Variants in ZNF585B observed in about 807,000 individuals in gnomAD.
ZNF585B encodes zinc finger protein 41-like protein.
Under a neutral mutation model 14.0 loss-of-function variants are expected in ZNF585B, and 7 were observed. The ratio of observed to expected loss-of-function variants is 0.50; its 90% CI spans 0.28 to 0.94. ZNF585B has a LOEUF of 0.94. Among genes scored for constraint, ZNF585B ranks in the 40% least tolerant of loss-of-function variants. The pLI, the probability that ZNF585B is intolerant of heterozygous loss-of-function variation, is 0.09. For missense variants in ZNF585B, 750 were observed against 924.4 expected (o/e 0.81, Z 2.45); for synonymous variants, 290 against 317.3 (o/e 0.91, Z 0.91).
Position 37,185,569 on chromosome 19 carries a change from A to G in ZNF585B, c.1968T>C (p.His656=). 1 of 1,612,734 alleles carries G rather than the reference A, an allele frequency of 6.2e-7. No individual in the cohort carries two copies. The highest frequency in any genetic ancestry group is 8.5e-7 in the Non-Finnish European group (1 of 1,179,664). ...RSNLSKHQKT[H]TGEKPYICSE... is the part of the protein sequence containing the mutation. Reference sequence around the variant, plus strand: ...AACAAATGTAGGGCTTTTCTCCGGTATGAGTTTTCTGGTGCTTACTGAGAT... The same window carrying G: ...AACAAATGTAGGGCTTTTCTCCGGTGTGAGTTTTCTGGTGCTTACTGAGAT... Residue 656 remains histidine, a synonymous_variant, in exon 5 of 5, where the codon CAT becomes CAC. Transcript: ENST00000532828.
rs1333880724 is a variant in ZNF585B, at chr19:37,185,409, G to A, written c.2128C>T (p.Arg710Ter). 8 of 1,613,358 alleles carry A rather than the reference G, an allele frequency of 5.0e-6. No individual in the cohort carries two copies. Among genetic ancestry groups the A allele is most frequent in the East Asian group, 2.2e-5 (1 of 44,754 alleles). The change falls in exon 5 of 5, where the codon CGA (arginine) becomes TGA (stop). Residue 710 changes from arginine to a stop codon, truncating the protein, a stop_gained. Coordinates refer to ENST00000532828, the MANE Select transcript of ZNF585B (RefSeq NM_152279.4). LOFTEE classifies it low-confidence loss of function (END_TRUNC). Reference protein sequence around the residue: ...TKKSQLQVHQRIHTGEKPYVC... With the variant: ...TKKSQLQVHQ ...TAAGGCTTCTCTCCAGTGTGAATTC[G>A]CTGATGCACTTGGAGCTGTGATTTT...
chr19:37,208,272 A>G (rs1599770220), intron 1 of ZNF585B, among the ~76,000 whole-genome samples: 1 of 152,082 alleles, frequency 6.6e-6, no homozygotes, highest in African/African-American at 2.4e-5. Context: ...CGCCCAACCC[A>G]CCTCACACTA....
chr19:37,194,307 G>GTGT (rs10669651), intron 2 of ZNF585B, among the ~76,000 whole-genome samples: 83,745 of 151,830 alleles, frequency 0.55, 24,634 homozygotes, highest in African/African-American at 0.75. Flanking sequence ...TTTCCACATG[G>GTGT]TGTACATATT....
Position 37,186,144 on chromosome 19 carries a change from G to A in ZNF585B, c.1393C>T (p.Pro465Ser), listed in dbSNP as rs746111463. 6.2e-7 allele frequency: 1 copy of A among 1,614,130 alleles called. No individual in the cohort carries two copies. Among genetic ancestry groups the A allele is most frequent in the Non-Finnish European group, 8.5e-7 (1 of 1,180,030 alleles). ...VHKRIHTGEK[P>S]YVCNKCGKAF... is the part of the protein sequence containing the mutation. ...TTCCCACATTTATTGCATACATAGG[G>A]CTTTTCTCCTGTGTGAATTCGTTTA... Residue 465 changes from proline to serine, a missense_variant, in exon 5 of 5, where the codon CCC (proline) becomes TCC (serine). Around this residue, in one of 2 missense-constraint regions of ZNF585B, gnomAD observed 517 missense variants for 570.3 expected, o/e 0.91. Coordinates refer to ENST00000532828, the MANE Select transcript of ZNF585B (RefSeq NM_152279.4).
At chr19:37,203,308 G>A (rs528226288) in intron 2 of ZNF585B, among the ~76,000 whole-genome samples, 1 of 151,478 alleles carries the variant, frequency 6.6e-6, no homozygotes, top group Non-Finnish European at 1.5e-5. Context: ...TTTACCACAC[G>A]AACTTTAAAA....
intron 2 of ZNF585B, among the ~76,000 whole-genome samples, chr19:37,193,312 A>G (rs1972424279): frequency 6.6e-6 from 1 of 152,008 alleles, no homozygotes; most frequent in East Asian, 1.9e-4. Flanking sequence ...TCTACTAAAA[A>G]TACAAAAAAT....
Position 37,185,806 on chromosome 19 carries a change from G to C in ZNF585B, c.1731C>G (p.Pro577=). The change falls in exon 5 of 5, where the codon CCC becomes CCG. Residue 577 remains proline, a synonymous_variant. Transcript: ENST00000532828. The part of the protein sequence containing the change: ...VHQKIHTGEK[P]YVCTECGRAF... ...CTCTTCCACACTCAGTGCATACATA[G>C]GGTTTCTCTCCTGTATGAATTTTCT... The C allele has an allele frequency of 1.9e-6, 3 of 1,604,990 alleles. No homozygotes were observed. The highest frequency in any genetic ancestry group is 2.6e-6 in the Non-Finnish European group (3 of 1,175,114).
chr19:37,197,567 C>A (rs1599766335), intron 2 of ZNF585B, among the ~76,000 whole-genome samples: 1 of 152,312 alleles, frequency 6.6e-6, no homozygotes, highest in Admixed American at 6.5e-5. Context: ...CTGTCTTCCA[C>A]AATGGTTGAA....
At chr19:37,210,123 T>C (rs1268824974) in intron 1 of ZNF585B, among the ~76,000 whole-genome samples, 1 of 152,134 alleles carries the variant, frequency 6.6e-6, no homozygotes. Flanking sequence ...TCAAAACTTG[T>C]TAATCTTTAT....
chr19:37,184,486 AAGAAAGAAAGAAAG>A lies in ZNF585B; in HGVS notation c.*727_*740del, dbSNP rs1972306531. 1 of 120,410 alleles carries A rather than the reference AAGAAAGAAAGAAAG, an allele frequency of 8.3e-6. No individual in the cohort carries two copies. The highest frequency in any genetic ancestry group is 1.8e-5 in the Non-Finnish European group (1 of 56,766). 7.5% of individuals were successfully genotyped at this position (120,410 alleles called of 1,614,324 possible). A position where few individuals can be genotyped will look rare whatever the true frequency, so the allele number is the denominator to read the frequency against. ...AAAGAAAGAAAGAAAGAAAGAAAGA[AAGAAAGAAAGAAAG>A]AAAGAGAAAGAAAGAAAGAAAAAGA... On this transcript the variant is annotated 3_prime_UTR_variant, in exon 5 of 5. Transcript: ENST00000532828.
chr19:37,190,131 T>A lies in ZNF585B; in HGVS notation c.92A>T (p.Asp31Val). 1 of 1,614,136 alleles carries A rather than the reference T, an allele frequency of 6.2e-7. No individual in the cohort carries two copies. Among genetic ancestry groups the A allele is most frequent in the Non-Finnish European group, 8.5e-7 (1 of 1,180,008 alleles). The change falls in exon 3 of 5, where the codon GAT becomes GTT. Residue 31 changes from aspartate (D) to valine (V), a missense_variant. This residue lies in a region of ZNF585B where 517 missense variants were observed against 570.3 expected (regional missense o/e 0.91). Transcript: ENST00000532828. ...CTCTCTGCTGAAATCGATAGCCACA[T>A]CCCTGAAGGACACTGATCCCTGTAA... Reference protein sequence around the residue: ...SSYEGSVSFRDVAIDFSREEW... With the variant: ...SSYEGSVSFRVVAIDFSREEW...
In ZNF585B at chr19:37,186,184, T is replaced by G. The variant is rs138834573; in HGVS notation, c.1353A>C (p.Ser451=). ...GHCGKLFTSK[S]QLHVHKRIHT... ...GAATTCGTTTATGAACATGGAGTTG[T>G]GACTTGGAAGTAAACAATTTCCCAC... The change falls in exon 5 of 5, where the codon TCA becomes TCC. Residue 451 remains serine (S), a synonymous_variant. Coordinates refer to ENST00000532828, the MANE Select transcript of ZNF585B (RefSeq NM_152279.4). 3 of 1,614,182 alleles carry G rather than the reference T, an allele frequency of 1.9e-6. No individual in the cohort carries two copies. In the African/African-American group the frequency reaches 4.0e-5, roughly 22 times the overall value.
intron 1 of ZNF585B, among the ~76,000 whole-genome samples, chr19:37,207,839 C>G (rs1238554444): frequency 2.1e-5 from 3 of 145,958 alleles, no homozygotes; most frequent in Admixed American, 2.1e-4. Flanking sequence ...ACATATCAGA[C>G]AATGTTGATC....
chr19:37,207,259 A>G lies in ZNF585B; in HGVS notation c.-143-5T>C. 1 of 1,459,492 alleles carries G rather than the reference A, an allele frequency of 6.9e-7. No individual in the cohort carries two copies. Among genetic ancestry groups the G allele is most frequent in the Non-Finnish European group, 9.0e-7 (1 of 1,108,562 alleles). The allele number at this position is 1,459,492 out of a possible 1,614,324, so 90.4% of individuals were successfully genotyped here. On this transcript the variant is annotated splice_region_variant and splice_polypyrimidine_tract_variant and intron_variant, in intron 1 of 4. Coordinates refer to ENST00000532828, the MANE Select transcript of ZNF585B (RefSeq NM_152279.4). ...TCCCCAGAGACACCCAAGAACCTAG[A>G]AAAACAATGTCCACGTAGTCATTCA...
Position 37,186,551 on chromosome 19 carries a change from G to A in ZNF585B, c.986C>T (p.Thr329Ile). Residue 329 changes from threonine to isoleucine, a missense_variant, in exon 5 of 5, where the codon ACC becomes ATC. Physicochemically the swap from Thr to Ile is moderately conservative, Grantham distance 89. Around this residue, in one of 2 missense-constraint regions of ZNF585B, gnomAD observed 517 missense variants for 570.3 expected, o/e 0.91. Transcript: ENST00000532828. The part of the protein sequence containing the change: ...VHTRVKPYIC[T>I]EYGKVFSNNS... ...ATTGCTGAAGACCTTCCCATATTCG[G>A]TACATATATAGGGCTTCACTCTTGT... 2.5e-6 allele frequency: 4 copies of A among 1,614,154 alleles called. No homozygotes were observed. The highest frequency in any genetic ancestry group is 3.4e-6 in the Non-Finnish European group (4 of 1,180,028).
At position 37,209,723 on chromosome 19, in the gene ZNF585B, CTTTTTTTT is replaced by C. The variant is rs755649009; in HGVS notation, c.-144+710_-144+717del. 1.6e-4 allele frequency among the ~76,000 whole-genome samples: 19 copies of C among 117,998 alleles called. No homozygotes were observed. The East Asian group carries it at 2.7e-3, about 17-fold the overall frequency. 77.4% of individuals were successfully genotyped at this position (117,998 alleles called of 152,430 possible). On this transcript the variant is annotated intron_variant, in intron 1 of 4. Transcript: ENST00000532828. ...ACTAATTGAAACATAAAGTGCACTT[CTTTTTTTT>C]TTTTTTTTTTTTGGTGCTCTGTGGC...
chr19:37,193,583 GC>G (rs1972428237), intron 2 of ZNF585B, among the ~76,000 whole-genome samples: 1 of 151,882 alleles, frequency 6.6e-6, no homozygotes, highest in Non-Finnish European at 1.5e-5. Context: ...TTTGAGACCA[GC>G]CCAGGCAACA....
intron 2 of ZNF585B, chr19:37,196,043 A>T (rs1230942681): frequency 6.6e-6 from 1 of 152,206 alleles, no homozygotes. Context: ...AAAAAAGAAG[A>T]AGAAGAAGAA....
rs1368739729 is a variant in ZNF585B, at chr19:37,181,712, A to G, written c.*3515T>C. On this transcript the variant is annotated 3_prime_UTR_variant, in exon 5 of 5. Transcript: ENST00000532828. ...ATTCAATGAGAAAAAAAAAAAAAAA[A>G]GAGCTAGCAAGCTACGAAAAGACAT... 4 of 151,440 alleles carry G rather than the reference A, an allele frequency of 2.6e-5. No individual in the cohort carries two copies. The highest frequency in any genetic ancestry group is 5.9e-5 in the Non-Finnish European group (4 of 67,896). The allele number at this position is 151,440 out of a possible 1,614,324, so 9.4% of individuals were successfully genotyped here.
Sources: gnomAD v4.1 joint callset for allele counts (sites outside exome capture counted in the v4.1 genomes callset) on GRCh38, gnomAD v4.1.1 for gene constraint, gnomAD v4.1.1 regional missense constraint, MANE v1.5 for transcripts, NCBI Gene and HGNC (gene_info 2026-07-23, HGNC 2026-07-21) for gene names.